Variants in TAFA2 observed in about 807,000 individuals in gnomAD.
TAFA2 encodes the protein chemokine-like protein TAFA-2.
In TAFA2, 7 loss-of-function variants were observed where a neutral mutation model predicts 18.8. The observed-to-expected ratio is 0.37, with a 90% confidence interval of 0.21 to 0.70. TAFA2 has a LOEUF of 0.70. Ranked by LOEUF, TAFA2 falls within the 30% of genes least tolerant of loss-of-function variation. The probability of loss-of-function intolerance (pLI) is 0.53; values close to 1 mark genes in which losing one functional copy is unlikely to be tolerated. For synonymous variants in TAFA2, 60 were observed against 54.2 expected (o/e 1.11, Z -0.47); for missense variants, 122 against 158.1 (o/e 0.77, Z 1.23).
intron 1 of TAFA2, among the ~76,000 whole-genome samples, chr12:61,908,364 G>A (rs868491211): frequency 1.5e-4 from 23 of 152,006 alleles, no homozygotes; most frequent in African/African-American, 3.4e-4. Context: ...GGCACTCCCC[G>A]GCACACACTG....
chr12:62,076,299 A>C (rs1464780222), intron 1 of TAFA2, among the ~76,000 whole-genome samples: 1 of 152,194 alleles, frequency 6.6e-6, no homozygotes, highest in African/African-American at 2.4e-5. Context: ...TTTGAGAAAA[A>C]GCCTCCAGAT....
At chr12:62,206,027 C>A (rs2062690209) in intron 1 of TAFA2, among the ~76,000 whole-genome samples, 2 of 152,150 alleles carry the variant, frequency 1.3e-5, no homozygotes, top group South Asian at 4.1e-4. Flanking sequence ...TGCTTTTCCT[C>A]GCTCTCCATG....
At chr12:61,724,751 A>ATGTG (rs71083953) in intron 4 of TAFA2, among the ~76,000 whole-genome samples, 5,775 of 114,436 alleles carry the variant, frequency 0.05, 244 homozygotes, top group Admixed American at 0.078. Flanking sequence ...TGGTATGTCT[A>ATGTG]TGTGTGTGTG....
intron 1 of TAFA2, among the ~76,000 whole-genome samples, chr12:62,093,913 T>C (rs930880806): frequency 3.3e-5 from 5 of 152,034 alleles, no homozygotes; most frequent in South Asian, 2.1e-4. Flanking sequence ...TTGTAAAAGA[T>C]TGCAAATCTG....
At chr12:62,051,418 CA>C (rs1882051831) in intron 1 of TAFA2, among the ~76,000 whole-genome samples, 1 of 152,072 alleles carries the variant, frequency 6.6e-6, no homozygotes, top group African/African-American at 2.4e-5. Flanking sequence ...AAAAATGAAT[CA>C]AACACACTTC....
intron 1 of TAFA2, among the ~76,000 whole-genome samples, chr12:62,159,465 A>C (rs2062392012): frequency 6.6e-6 from 1 of 152,214 alleles, no homozygotes; most frequent in African/African-American, 2.4e-5. Flanking sequence ...AGGAAGAAAC[A>C]TTCTAAAAGG....
intron 1 of TAFA2, among the ~76,000 whole-genome samples, chr12:61,949,982 AACT>A (rs908720466): frequency 6.6e-6 from 1 of 152,114 alleles, no homozygotes; most frequent in African/African-American, 2.4e-5. Context: ...TTAATTTAAC[AACT>A]TTGGATACTT....
intron 1 of TAFA2, 67 bp from the exon 2 acceptor site, chr12:61,867,493 T>A: frequency 1.0e-6 from 1 of 953,850 alleles, no homozygotes. Flanking sequence ...ATGATTGTGC[T>A]ACATGTAAAG....
At chr12:62,199,800 T>C (rs1468590781) in intron 1 of TAFA2, among the ~76,000 whole-genome samples, 2 of 152,150 alleles carry the variant, frequency 1.3e-5, no homozygotes, top group Admixed American at 6.5e-5. Flanking sequence ...CAAATGGTAT[T>C]TCTGGTCCTA....
At chr12:61,717,377 C>T (rs982735112) in intron 4 of TAFA2, among the ~76,000 whole-genome samples, 10 of 152,146 alleles carry the variant, frequency 6.6e-5, no homozygotes, top group African/African-American at 2.4e-4. Context: ...TAAATATACT[C>T]ATCTATGTGA....
chr12:61,765,171 A>G (rs965262034), intron 2 of TAFA2, among the ~76,000 whole-genome samples: 3 of 152,074 alleles, frequency 2.0e-5, no homozygotes, highest in African/African-American at 7.2e-5. Context: ...TTTCAAGTCC[A>G]GGCTTATAAA....
At chr12:61,877,800 C>G (rs188978203) in intron 1 of TAFA2, among the ~76,000 whole-genome samples, 15 of 152,066 alleles carry the variant, frequency 9.9e-5, no homozygotes, top group Admixed American at 7.2e-4. Flanking sequence ...GTACAATGGA[C>G]ATGAGAGTAC....
intron 1 of TAFA2, among the ~76,000 whole-genome samples, chr12:61,896,570 A>C (rs1875854191): frequency 6.6e-6 from 1 of 152,160 alleles, no homozygotes; most frequent in Non-Finnish European, 1.5e-5. Flanking sequence ...GTGCTTAGAG[A>C]GTTTTAGGTT....
chr12:62,027,445 A>C (rs1457358432), intron 1 of TAFA2, among the ~76,000 whole-genome samples: 1 of 152,186 alleles, frequency 6.6e-6, no homozygotes, highest in Non-Finnish European at 1.5e-5. Context: ...ATTTCTAAGA[A>C]GGTGAAATTT....
intron 1 of TAFA2, among the ~76,000 whole-genome samples, chr12:61,990,560 C>T (rs376075825): frequency 2.6e-5 from 4 of 151,990 alleles, no homozygotes. Flanking sequence ...AGGATGGTCT[C>T]GATCTCCTGA....
intron 1 of TAFA2, among the ~76,000 whole-genome samples, chr12:61,937,052 T>C (rs1031003460): frequency 2.6e-5 from 4 of 152,128 alleles, no homozygotes; most frequent in Non-Finnish European, 5.9e-5. Context: ...CTCAATCCTT[T>C]TTACCATAGC....
chr12:62,166,930 A>G (rs1250255463), intron 1 of TAFA2, among the ~76,000 whole-genome samples: 2 of 152,218 alleles, frequency 1.3e-5, no homozygotes, highest in Non-Finnish European at 2.9e-5. Context: ...TTTCTTTGAC[A>G]AACCCAAATG....
intron 1 of TAFA2, among the ~76,000 whole-genome samples, chr12:61,957,689 G>A (rs1878745072): frequency 6.6e-6 from 1 of 152,076 alleles, no homozygotes; most frequent in East Asian, 1.9e-4. Context: ...CAAGGAGAGA[G>A]TTTGCCACTC....
intron 1 of TAFA2, among the ~76,000 whole-genome samples, chr12:62,011,751 T>TAAAAAAAAAAAAAAA (rs202026493): frequency 9.7e-6 from 1 of 102,862 alleles, no homozygotes; most frequent in African/African-American, 3.5e-5. Context: ...CAATAAATAC[T>TAAAAAAAAAAAAAAA]AAAAAAAAAA....
Sources: gnomAD v4.1 joint callset for allele counts (sites outside exome capture counted in the v4.1 genomes callset) on GRCh38, gnomAD v4.1.1 for gene constraint, MANE v1.5 for transcripts, NCBI Gene and HGNC (gene_info 2026-07-23, HGNC 2026-07-21) for gene names.